Variants in UNC13C observed in about 807,000 individuals in gnomAD.
UNC13C encodes the protein protein unc-13 homolog C.
A neutral mutation model predicts 245.4 loss-of-function variants in UNC13C; 174 were observed. The ratio of observed to expected loss-of-function variants is 0.71; its 90% confidence interval spans 0.63 to 0.80. The LOEUF (loss-of-function observed/expected upper bound fraction) is 0.80, where lower values mean the gene tolerates loss of function less well. UNC13C is among the 30% of genes least tolerant of loss of function. The probability of loss-of-function intolerance (pLI) is 0.00; values close to 1 mark genes in which losing one functional copy is unlikely to be tolerated. For synonymous variants in UNC13C, 992 were observed against 895.1 expected (o/e 1.11, Z -1.93); for missense variants, 2,829 against 2,602.9 (o/e 1.09, Z -1.89).
chr15:53,879,262 A>G, the UNC13C span, among the ~76,000 whole-genome samples: 5 of 152,144 alleles, frequency 3.3e-5, no homozygotes, highest in Non-Finnish European at 7.3e-5. Flanking sequence ...CCAGGGCTCA[A>G]GTGATACTCC....
intron 13 of UNC13C, among the ~76,000 whole-genome samples, chr15:54,306,090 G>T (rs944708201): frequency 6.6e-6 from 1 of 152,046 alleles, no homozygotes; most frequent in Non-Finnish European, 1.5e-5. Flanking sequence ...AGACAAAAGA[G>T]TCTGAAACTA....
At chr15:53,845,651 ATG>A in the UNC13C span, among the ~76,000 whole-genome samples, 1 of 152,172 alleles carries the variant, frequency 6.6e-6, no homozygotes, top group Non-Finnish European at 1.5e-5. Flanking sequence ...CTTATTAATT[ATG>A]TGTTGTATGT....
At chr15:54,004,940 TTC>T (rs1266472329) in intron 1 of UNC13C, among the ~76,000 whole-genome samples, 3 of 152,174 alleles carry the variant, frequency 2.0e-5, no homozygotes, top group Non-Finnish European at 4.4e-5. Flanking sequence ...TGCAAATATT[TTC>T]TCTCATTCTC....
intron 2 of UNC13C, among the ~76,000 whole-genome samples, chr15:54,125,790 T>A (rs980092740): frequency 6.6e-6 from 1 of 152,242 alleles, no homozygotes; most frequent in Non-Finnish European, 1.5e-5. Flanking sequence ...TATATCATTA[T>A]GTGCCTCTCT....
chr15:53,955,984 A>G, the UNC13C span, among the ~76,000 whole-genome samples: 1 of 152,216 alleles, frequency 6.6e-6, no homozygotes, highest in African/African-American at 2.4e-5. Flanking sequence ...ACACAATGGA[A>G]TACCATACAG....
the UNC13C span, among the ~76,000 whole-genome samples, chr15:53,875,079 G>A: frequency 6.6e-6 from 1 of 150,766 alleles, no homozygotes; most frequent in Non-Finnish European, 1.5e-5. Context: ...GTGACAGAGT[G>A]AGACTCCGTC....
At chr15:53,905,060 T>C in the UNC13C span, among the ~76,000 whole-genome samples, 2 of 152,034 alleles carry the variant, frequency 1.3e-5, no homozygotes, top group Admixed American at 1.3e-4. Flanking sequence ...TGTGGGACAA[T>C]GAATGCATAA....
chr15:54,463,370 C>T (rs552940225), intron 19 of UNC13C, among the ~76,000 whole-genome samples: 5 of 142,090 alleles, frequency 3.5e-5, no homozygotes, highest in Non-Finnish European at 6.0e-5. Flanking sequence ...AAGCTTTGTT[C>T]TTTCGCTCTT....
At chr15:54,195,215 G>T (rs1158183823) in intron 4 of UNC13C, among the ~76,000 whole-genome samples, 1 of 152,022 alleles carries the variant, frequency 6.6e-6, no homozygotes, top group Non-Finnish European at 1.5e-5. Context: ...AAACAACTCT[G>T]GTAGCAGAGG....
At chr15:54,020,163 A>G (rs1490829918) in intron 2 of UNC13C, among the ~76,000 whole-genome samples, 1 of 152,212 alleles carries the variant, frequency 6.6e-6, no homozygotes, top group Non-Finnish European at 1.5e-5. Flanking sequence ...GAGCACTACT[A>G]AAAGCTATGT....
At chr15:54,219,849 T>C (rs2035166754) in intron 4 of UNC13C, among the ~76,000 whole-genome samples, 1 of 151,786 alleles carries the variant, frequency 6.6e-6, no homozygotes, top group African/African-American at 2.4e-5. Flanking sequence ...GAAAAAATGC[T>C]CATCATCACT....
the UNC13C span, among the ~76,000 whole-genome samples, chr15:53,895,014 T>C: frequency 0.14 from 21,229 of 152,012 alleles, 1,796 homozygotes; most frequent in South Asian, 0.2. Context: ...TGTAATTATC[T>C]AGTGATCAGT....
At chr15:54,124,745 T>C (rs978743680) in intron 2 of UNC13C, among the ~76,000 whole-genome samples, 5 of 152,214 alleles carry the variant, frequency 3.3e-5, no homozygotes, top group African/African-American at 4.8e-5. Context: ...GAGTTTTACA[T>C]TTTTATATTT....
chr15:54,592,259 C>T (rs575522873), intron 30 of UNC13C, among the ~76,000 whole-genome samples: 7 of 152,142 alleles, frequency 4.6e-5, no homozygotes, highest in South Asian at 4.2e-4. Flanking sequence ...CTGAATAGAA[C>T]GTGTATTCTG....
At chr15:54,516,108 T>C (rs1297721340) in intron 24 of UNC13C, among the ~76,000 whole-genome samples, 4 of 152,206 alleles carry the variant, frequency 2.6e-5, no homozygotes. Flanking sequence ...CAAAAGTGTG[T>C]GTATGTAGCT....
chr15:54,390,164 A>G (rs2039924444), intron 17 of UNC13C, among the ~76,000 whole-genome samples: 1 of 152,234 alleles, frequency 6.6e-6, no homozygotes, highest in Admixed American at 6.5e-5. Context: ...CAGTTTTAAA[A>G]GTATTGTATA....
At chr15:54,479,775 T>G (rs1030699730) in intron 19 of UNC13C, among the ~76,000 whole-genome samples, 5 of 152,152 alleles carry the variant, frequency 3.3e-5, no homozygotes, top group Non-Finnish European at 5.9e-5. Flanking sequence ...GTTTTCATTA[T>G]GGTAGATATC....
chr15:53,890,995 G>A, the UNC13C span, among the ~76,000 whole-genome samples: 6 of 152,018 alleles, frequency 3.9e-5, no homozygotes, highest in African/African-American at 7.3e-5. Context: ...TCTCTTGTGG[G>A]CATTTAGTGC....
the UNC13C span, among the ~76,000 whole-genome samples, chr15:53,854,871 T>C: frequency 6.6e-6 from 1 of 152,222 alleles, no homozygotes; most frequent in Admixed American, 6.5e-5. Flanking sequence ...ATTGAATCTA[T>C]AAATTACTTT....
Sources: allele counts gnomAD v4.1 joint callset (sites outside exome capture counted in the v4.1 genomes callset), GRCh38; gene constraint gnomAD v4.1.1; transcripts MANE v1.5; gene names NCBI Gene and HGNC (gene_info 2026-07-23, HGNC 2026-07-21).